GTF2A1L: variants seen among roughly 807,000 people sequenced by gnomAD.
GTF2A1L encodes the protein general transcription factor IIA subunit 1 like.
GTF2A1L carries 48 observed loss-of-function variants against 49.7 expected under a neutral mutation model. The observed-to-expected ratio is 0.97, with a 90% CI of 0.77 to 1.23. The LOEUF (loss-of-function observed/expected upper bound fraction) is 1.23. GTF2A1L is among the 50% of genes most tolerant of loss of function. GTF2A1L has a pLI of 0.00. For missense variants in GTF2A1L, 736 were observed against 564.8 expected, an observed-to-expected ratio of 1.30 and a Z score of -3.07; for synonymous variants, 246 against 193.5, an observed-to-expected ratio of 1.27 and a Z score of -2.25.
chr2:48,646,637 A>C lies in GTF2A1L; in HGVS notation c.573A>C (p.Glu191Asp). ...QATTEKSQRI[E>D]TVLQQPAILP... ...CTACTGAAAAATCACAGAGAATTGA[A>C]ACCGTGCTACAGCAACCCGCAATTC... The change falls in exon 6 of 9, where the codon GAA becomes GAC. Residue 191 changes from glutamate to aspartate, a missense_variant. Coordinates refer to ENST00000403751, the MANE Select transcript of GTF2A1L (RefSeq NM_006872.5). 2 of 1,614,138 alleles carry C rather than the reference A, an allele frequency of 1.2e-6. No homozygotes were observed. Among genetic ancestry groups the C allele is most frequent in the Non-Finnish European group, 1.7e-6 (2 of 1,180,018 alleles).
chr2:48,622,377 C>T (rs1676049343), intron 3 of GTF2A1L, among the ~76,000 whole-genome samples: 1 of 152,180 alleles, frequency 6.6e-6, no homozygotes, highest in Non-Finnish European at 1.5e-5. Flanking sequence ...CATTTTTCAT[C>T]AGTTGGGTTT....
At chr2:48,676,692 A>G (rs1679484347) in intron 8 of GTF2A1L, among the ~76,000 whole-genome samples, 1 of 151,454 alleles carries the variant, frequency 6.6e-6, no homozygotes, top group African/African-American at 2.4e-5. Flanking sequence ...TAGATTTTGG[A>G]TCTGTCAATC....
chr2:48,621,097 G>GA (rs1436533178), intron 2 of GTF2A1L, 70 bp from the exon 3 acceptor site: 2 of 1,532,814 alleles, frequency 1.3e-6, no homozygotes, highest in Non-Finnish European at 1.7e-6. Flanking sequence ...TTAAGAAACT[G>GA]AAAAAAAGAG....
At chr2:48,637,677 A>G (rs1676978403) in intron 3 of GTF2A1L, among the ~76,000 whole-genome samples, 1 of 152,186 alleles carries the variant, frequency 6.6e-6, no homozygotes, top group Admixed American at 6.6e-5. Context: ...AAGATTAATG[A>G]ATCCAGGAGT....
At chr2:48,646,131 T>G (rs1386001093) in intron 5 of GTF2A1L, among the ~76,000 whole-genome samples, 2 of 152,148 alleles carry the variant, frequency 1.3e-5, no homozygotes, top group Non-Finnish European at 2.9e-5. Context: ...ATAACATTAA[T>G]TTATCAAACA....
At chr2:48,633,713 G>A (rs141421669) in intron 3 of GTF2A1L, among the ~76,000 whole-genome samples, 1 of 152,236 alleles carries the variant, frequency 6.6e-6, no homozygotes, top group African/African-American at 2.4e-5. Flanking sequence ...ATGATCTAAT[G>A]TTTTCAGTAG....
intron 3 of GTF2A1L, among the ~76,000 whole-genome samples, chr2:48,640,196 G>A (rs1238280843): frequency 6.6e-6 from 1 of 152,120 alleles, no homozygotes; most frequent in East Asian, 1.9e-4. Context: ...CTCATTACTG[G>A]ATATTCTCAG....
chr2:48,641,945 T>C (rs921347957), intron 3 of GTF2A1L, among the ~76,000 whole-genome samples: 21 of 152,218 alleles, frequency 1.4e-4, no homozygotes, highest in Admixed American at 5.2e-4. Flanking sequence ...GCTTGCTTAC[T>C]TGACCAAAGT....
Position 48,651,084 on chromosome 2 carries a change from C to G in GTF2A1L, c.978+4042C>G, listed in dbSNP as rs59056289. On this transcript the variant is annotated intron_variant, in intron 6 of 8. Coordinates refer to ENST00000403751, the MANE Select transcript of GTF2A1L (RefSeq NM_006872.5). ...TGGAAGCTGGATTTGGCGAACAAAG[C>G]TTTATCATGAAGCATCCTATTTACT... Among the ~76,000 whole-genome samples the G allele has an allele frequency of 6.9e-3, 1,047 of 152,208 alleles. 22 individuals carry two copies. The highest frequency in any genetic ancestry group is 0.024 in the African/African-American group (977 of 41,538).
At chr2:48,656,927 C>G (rs756909378) in intron 6 of GTF2A1L, among the ~76,000 whole-genome samples, 3 of 151,938 alleles carry the variant, frequency 2.0e-5, no homozygotes, top group Admixed American at 6.6e-5. Flanking sequence ...GCTAGTTTTC[C>G]CAAAATGATT....
At chr2:48,651,365 G>C (rs546638484) in intron 6 of GTF2A1L, among the ~76,000 whole-genome samples, 1 of 151,686 alleles carries the variant, frequency 6.6e-6, no homozygotes, top group South Asian at 2.1e-4. Flanking sequence ...GTGTTTCTTA[G>C]GGCTGCCAAC....
At chr2:48,630,341 G>C (rs997399109) in intron 3 of GTF2A1L, among the ~76,000 whole-genome samples, 1 of 143,534 alleles carries the variant, frequency 7.0e-6, no homozygotes, top group Non-Finnish European at 1.6e-5. Context: ...CCTTCCTTGA[G>C]TAGATGCGTT....
chr2:48,660,588 C>G (rs1321131295), intron 6 of GTF2A1L, among the ~76,000 whole-genome samples: 1 of 151,780 alleles, frequency 6.6e-6, no homozygotes, highest in Non-Finnish European at 1.5e-5. Context: ...TCTTAAAGTT[C>G]TTTATATTTC....
At position 48,628,008 on chromosome 2, in the gene GTF2A1L, A is replaced by G. The variant is rs1558703734; in HGVS notation, c.247+6718A>G. ...TTTCTGTTCCTGCATTAATTCACTT[A>G]GGATACCAGCCTCCAGCAGCATTCG... On this transcript the variant is annotated intron_variant, in intron 3 of 8. Coordinates refer to ENST00000403751, the MANE Select transcript of GTF2A1L (RefSeq NM_006872.5). 1.4e-5 allele frequency among the ~76,000 whole-genome samples: 2 copies of G among 144,290 alleles called. 1 individual carries two copies. The highest frequency in any genetic ancestry group is 3.1e-5 in the Non-Finnish European group (2 of 64,052). 94.7% of individuals were successfully genotyped at this position (144,290 alleles called of 152,430 possible). A position where few individuals can be genotyped will look rare whatever the true frequency, so the allele number is the denominator to read the frequency against.
chr2:48,637,696 GA>G (rs1199377603), intron 3 of GTF2A1L, among the ~76,000 whole-genome samples: 1 of 152,052 alleles, frequency 6.6e-6, no homozygotes, highest in African/African-American at 2.4e-5. Flanking sequence ...GTTGGTTTTT[GA>G]AAAAATTAAT....
At chr2:48,662,447 A>T (rs949606064) in intron 6 of GTF2A1L, among the ~76,000 whole-genome samples, 10 of 152,158 alleles carry the variant, frequency 6.6e-5, no homozygotes, top group Admixed American at 6.5e-4. Flanking sequence ...AAATCTAACT[A>T]TAATGAATTC....
At chr2:48,669,094 C>T (rs1679030640) in intron 6 of GTF2A1L, among the ~76,000 whole-genome samples, 1 of 152,152 alleles carries the variant, frequency 6.6e-6, no homozygotes, top group African/African-American at 2.4e-5. Flanking sequence ...AGTACATTCA[C>T]AATGTTGTAC....
chr2:48,617,915 CTG>C lies in GTF2A1L; in HGVS notation c.21+24_21+25del. Reference sequence around the variant, plus strand: ...CCGGTGGTAAGGAAGACCTCAGGCTCTGTGTAGAGGGAGCGCCCTGGGACTCC... The same window carrying C: ...CCGGTGGTAAGGAAGACCTCAGGCTCTGTAGAGGGAGCGCCCTGGGACTCC... On this transcript the variant is annotated intron_variant, in intron 1 of 8. Transcript: ENST00000403751. The C allele has an allele frequency of 6.4e-7, 1 of 1,551,754 alleles. No homozygotes were observed. Among genetic ancestry groups the C allele is most frequent in the Non-Finnish European group, 8.7e-7 (1 of 1,146,960 alleles).
In GTF2A1L at chr2:48,654,341, A is replaced by G. The variant is rs550314962; in HGVS notation, c.978+7299A>G. On this transcript the variant is annotated intron_variant, in intron 6 of 8. Coordinates refer to ENST00000403751, the MANE Select transcript of GTF2A1L (RefSeq NM_006872.5). ...AAAACTGTATAGTTATAGTTTTGTC[A>G]TTTAGGCCTGTGATCTATTCTGGGC... Among the ~76,000 whole-genome samples, 25 of 152,208 alleles carry G rather than the reference A, an allele frequency of 1.6e-4. No homozygotes were observed. In the South Asian group the frequency reaches 3.5e-3, roughly 21 times the overall value.
Sources: gnomAD v4.1 joint callset for allele counts (sites outside exome capture counted in the v4.1 genomes callset) on GRCh38, gnomAD v4.1.1 for gene constraint, MANE v1.5 for transcripts, NCBI Gene and HGNC (gene_info 2026-07-23, HGNC 2026-07-21) for gene names.